Variants in AGBL1 observed in about 807,000 individuals in gnomAD.
AGBL1 encodes the protein cytosolic carboxypeptidase 4.
In AGBL1, 130 loss-of-function variants were observed where a neutral mutation model predicts 118.9. The ratio of observed to expected loss-of-function variants is 1.09; its 90% CI spans 0.95 to 1.26. The LOEUF is 1.26. Ranked by LOEUF, AGBL1 falls within the 50% of genes most tolerant of loss-of-function variation. AGBL1 has a pLI of 0.00. For synonymous variants in AGBL1, 555 were observed against 478.9 expected, an observed-to-expected ratio of 1.16 and a Z score of -2.08; for missense variants, 1,584 against 1,298.1, an observed-to-expected ratio of 1.22 and a Z score of -3.38.
At chr15:86,845,778 A>C (rs1049493643) in intron 22 of AGBL1, among the ~76,000 whole-genome samples, 32 of 152,116 alleles carry the variant, frequency 2.1e-4, no homozygotes, top group African/African-American at 6.5e-4. Context: ...TGTATTTTCT[A>C]TTTCTTCATG....
At chr15:86,450,722 T>C (rs1036769217) in intron 18 of AGBL1, among the ~76,000 whole-genome samples, 2 of 152,232 alleles carry the variant, frequency 1.3e-5, no homozygotes, top group Non-Finnish European at 2.9e-5. Flanking sequence ...ATTCACTTCT[T>C]TGAGCCTCAT....
intron 3 of AGBL1, among the ~76,000 whole-genome samples, chr15:86,145,084 T>C (rs932631419): frequency 6.6e-6 from 1 of 152,220 alleles, no homozygotes; most frequent in Non-Finnish European, 1.5e-5. Flanking sequence ...CTTCACGTGC[T>C]GTTCTCCTCT....
At chr15:86,474,885 G>A (rs1473358613) in intron 18 of AGBL1, among the ~76,000 whole-genome samples, 2 of 152,220 alleles carry the variant, frequency 1.3e-5, no homozygotes, top group Admixed American at 1.3e-4. Flanking sequence ...AGCTTTCAGA[G>A]GAATGATCAG....
rs375002928 is a variant in AGBL1 at position 86,352,958 on chromosome 15, T to A, written c.2375-44408T>A. ...CATGCTTTGGATTGTGTTCTACATG[T>A]CAGAAAAAATAAAAAGTTTTTGTTT... On this transcript the variant is annotated intron_variant, in intron 17 of 22. Coordinates refer to ENST00000614907, the MANE Select transcript of AGBL1 (RefSeq NM_001386094.1). Among the ~76,000 whole-genome samples the A allele has an allele frequency of 3.1e-4, 47 of 152,338 alleles. 1 individual carries two copies. In the East Asian group the frequency reaches 5.0e-3, roughly 16 times the overall value.
At chr15:86,817,626 TACAC>T (rs762608485) in intron 22 of AGBL1, among the ~76,000 whole-genome samples, 50 of 98,164 alleles carry the variant, frequency 5.1e-4, no homozygotes, top group Non-Finnish European at 6.2e-4. Context: ...GAGACAGGCA[TACAC>T]ACACACACAC....
chr15:86,854,682 A>G (rs961418189), intron 22 of AGBL1, among the ~76,000 whole-genome samples: 25 of 152,180 alleles, frequency 1.6e-4, no homozygotes, highest in African/African-American at 5.3e-4. Flanking sequence ...AATTTATTCT[A>G]GCAAAGGCCA....
At chr15:86,704,823 A>T (rs2086419375) in intron 22 of AGBL1, among the ~76,000 whole-genome samples, 1 of 152,208 alleles carries the variant, frequency 6.6e-6, no homozygotes, top group African/African-American at 2.4e-5. Flanking sequence ...CTATAAAGAC[A>T]CATGTACACG....
chr15:86,205,205 A>G (rs1190563093), intron 5 of AGBL1, among the ~76,000 whole-genome samples: 1 of 152,176 alleles, frequency 6.6e-6, no homozygotes, highest in Non-Finnish European at 1.5e-5. Context: ...AATCACACAT[A>G]CGTAGCTTTT....
At chr15:86,523,699 C>G (rs1286157255) in intron 19 of AGBL1, among the ~76,000 whole-genome samples, 1 of 76,724 alleles carries the variant, frequency 1.3e-5, no homozygotes, top group Non-Finnish European at 2.2e-5. Flanking sequence ...TTATGTTCAA[C>G]TAATACTTAT....
At chr15:86,429,283 TTTCTCC>T (rs1207842103) in intron 18 of AGBL1, among the ~76,000 whole-genome samples, 1 of 152,208 alleles carries the variant, frequency 6.6e-6, no homozygotes, top group Non-Finnish European at 1.5e-5. Flanking sequence ...GGCCTCTGCC[TTTCTCC>T]AGGGCCAGTC....
At chr15:86,966,966 T>C (rs1309760318) in intron 23 of AGBL1, among the ~76,000 whole-genome samples, 1 of 152,106 alleles carries the variant, frequency 6.6e-6, no homozygotes, top group Non-Finnish European at 1.5e-5. Context: ...TTCCTATTTC[T>C]CCACATCCTC....
intron 21 of AGBL1, among the ~76,000 whole-genome samples, chr15:86,658,289 C>T (rs959145941): frequency 5.9e-5 from 9 of 152,026 alleles, no homozygotes; most frequent in South Asian, 2.1e-4. Context: ...GTTATATGAG[C>T]GTATAGGGAT....
At chr15:86,696,007 G>A (rs1044552769) in intron 22 of AGBL1, among the ~76,000 whole-genome samples, 6 of 151,824 alleles carry the variant, frequency 4.0e-5, no homozygotes, top group Non-Finnish European at 7.4e-5. Context: ...CTTGTTTTGT[G>A]GCCTATCTTG....
At chr15:87,027,027 C>A (rs531071580) in intron 24 of AGBL1, among the ~76,000 whole-genome samples, 1 of 151,886 alleles carries the variant, frequency 6.6e-6, no homozygotes, top group Non-Finnish European at 1.5e-5. Context: ...CTACAAATAG[C>A]GTGCAGTGCA....
At chr15:86,943,581 C>A (rs1320496870) in intron 23 of AGBL1, among the ~76,000 whole-genome samples, 1 of 152,128 alleles carries the variant, frequency 6.6e-6, no homozygotes, top group African/African-American at 2.4e-5. Flanking sequence ...GCTGGCCACC[C>A]CACCCTAATC....
At chr15:86,799,896 T>C (rs1207813267) in intron 22 of AGBL1, among the ~76,000 whole-genome samples, 2 of 152,222 alleles carry the variant, frequency 1.3e-5, no homozygotes, top group Middle Eastern at 3.4e-3. Flanking sequence ...AGTGTTTAGA[T>C]TGGAAAATTA....
intron 22 of AGBL1, among the ~76,000 whole-genome samples, chr15:86,782,751 C>G (rs565015032): frequency 6.6e-6 from 1 of 152,264 alleles, no homozygotes; most frequent in Non-Finnish European, 1.5e-5. Flanking sequence ...ACTTAGAAAA[C>G]ATTTTTATAA....
chr15:86,310,069 G>T (rs891759764), intron 17 of AGBL1, among the ~76,000 whole-genome samples: 1 of 152,100 alleles, frequency 6.6e-6, no homozygotes, highest in Non-Finnish European at 1.5e-5. Context: ...GCTTTTCTTT[G>T]TTGGGAGTTT....
intron 18 of AGBL1, among the ~76,000 whole-genome samples, chr15:86,408,204 A>G (rs1203022122): frequency 9.2e-5 from 14 of 152,134 alleles, no homozygotes; most frequent in South Asian, 6.2e-4. Flanking sequence ...AAAGTTCTCT[A>G]TGTTCTGTGG....
Sources: allele counts gnomAD v4.1 joint callset (sites outside exome capture counted in the v4.1 genomes callset), GRCh38; gene constraint gnomAD v4.1.1; transcripts MANE v1.5; gene names NCBI Gene and HGNC (gene_info 2026-07-23, HGNC 2026-07-21).